The following GALNT13 variants were observed in gnomAD, a reference collection of about 807,000 sequenced individuals.
GALNT13 encodes the protein polypeptide N-acetylgalactosaminyltransferase 13.
A neutral mutation model predicts 64.2 loss-of-function variants in GALNT13; 28 were observed. The ratio of observed to expected loss-of-function variants is 0.44; its 90% CI spans 0.32 to 0.60. The LOEUF is 0.60. Among genes scored for constraint, GALNT13 ranks in the 20% least tolerant of loss-of-function variants. The pLI is 0.05. For synonymous variants in GALNT13, 214 were observed against 224.6 expected (o/e 0.95, Z 0.42); for missense variants, 577 against 669.8 (o/e 0.86, Z 1.53).
chr2:154,091,499 A>G (rs139937565), intron 3 of GALNT13, among the ~76,000 whole-genome samples: 2,400 of 152,018 alleles, frequency 0.016, 57 homozygotes, highest in African/African-American at 0.055. Flanking sequence ...ATTACAAAAT[A>G]TACTAAATTA....
At chr2:153,279,795 A>T in the GALNT13 span, among the ~76,000 whole-genome samples, 4 of 151,954 alleles carry the variant, frequency 2.6e-5, no homozygotes, top group East Asian at 3.9e-4. Flanking sequence ...GTCTATGTTC[A>T]TCCAGAATAT....
At chr2:153,479,681 A>G in the GALNT13 span, among the ~76,000 whole-genome samples, 1 of 152,190 alleles carries the variant, frequency 6.6e-6, no homozygotes, top group Non-Finnish European at 1.5e-5. Context: ...ATCAACATCC[A>G]TCACCTAGAA....
At chr2:153,178,408 G>C in the GALNT13 span, among the ~76,000 whole-genome samples, 1 of 152,218 alleles carries the variant, frequency 6.6e-6, no homozygotes, top group East Asian at 1.9e-4. Flanking sequence ...ATTCTGCCAG[G>C]TGTGAGGTGA....
chr2:153,463,053 G>T, the GALNT13 span, among the ~76,000 whole-genome samples: 1 of 151,976 alleles, frequency 6.6e-6, no homozygotes, highest in Non-Finnish European at 1.5e-5. Context: ...GTAATTTATA[G>T]CCTCACCCTC....
At chr2:153,461,493 G>A in the GALNT13 span, among the ~76,000 whole-genome samples, 5 of 152,054 alleles carry the variant, frequency 3.3e-5, no homozygotes, top group African/African-American at 9.7e-5. Flanking sequence ...AGATGAGTTT[G>A]AATATTTAAA....
At position 154,023,825 on chromosome 2, in the gene GALNT13, G is replaced by A. The variant is rs549016988; in HGVS notation, c.142+79186G>A. The stretch of plus-strand genomic sequence containing the variant: ...TACAATTTGGCATGTTTTTGCAGTG[G>A]CTGGTACCAGTTGTTCCTTTCCATG... On this transcript the variant is annotated intron_variant, in intron 3 of 12. Coordinates refer to ENST00000392825, the MANE Select transcript of GALNT13 (RefSeq NM_052917.4). Among the ~76,000 whole-genome samples the A allele has an allele frequency of 2.9e-3, 435 of 152,334 alleles. 5 individuals are homozygous for A. The highest frequency in any genetic ancestry group is 9.7e-3 in the African/African-American group (402 of 41,572).
chr2:154,358,397 ATC>A (rs1409304835), intron 9 of GALNT13, among the ~76,000 whole-genome samples: 4 of 152,106 alleles, frequency 2.6e-5, no homozygotes, highest in Admixed American at 6.6e-5. Flanking sequence ...CTGGCTAAAC[ATC>A]AACGAACAGA....
chr2:154,336,916 T>G (rs1695474783), intron 9 of GALNT13, among the ~76,000 whole-genome samples: 1 of 152,110 alleles, frequency 6.6e-6, no homozygotes, highest in African/African-American at 2.4e-5. Flanking sequence ...AATATTAGAC[T>G]TTTTTCTGGT....
At chr2:154,049,946 A>G (rs1699492848) in intron 3 of GALNT13, among the ~76,000 whole-genome samples, 1 of 152,136 alleles carries the variant, frequency 6.6e-6, no homozygotes, top group Non-Finnish European at 1.5e-5. Flanking sequence ...TTCCAAAATC[A>G]CAATATAGCT....
At chr2:154,417,122 A>C (rs1700043226) in intron 11 of GALNT13, among the ~76,000 whole-genome samples, 1 of 151,988 alleles carries the variant, frequency 6.6e-6, no homozygotes, top group Non-Finnish European at 1.5e-5. Flanking sequence ...CAGCTTTCTA[A>C]ATTTGAGCCT....
At chr2:153,614,167 T>C in the GALNT13 span, among the ~76,000 whole-genome samples, 1 of 151,954 alleles carries the variant, frequency 6.6e-6, no homozygotes, top group African/African-American at 2.4e-5. Flanking sequence ...ACCCAATGTC[T>C]AGGAATACTC....
chr2:153,446,412 G>A, the GALNT13 span, among the ~76,000 whole-genome samples: 1 of 152,096 alleles, frequency 6.6e-6, no homozygotes, highest in Non-Finnish European at 1.5e-5. Context: ...AGTAGAACTA[G>A]CCATCTTTAT....
the GALNT13 span, among the ~76,000 whole-genome samples, chr2:153,701,952 C>T: frequency 3.9e-5 from 6 of 152,096 alleles, no homozygotes; most frequent in Non-Finnish European, 8.8e-5. Flanking sequence ...ACAAGAAATA[C>T]CATTTGACCC....
the GALNT13 span, among the ~76,000 whole-genome samples, chr2:153,501,785 G>C: frequency 6.6e-6 from 1 of 152,308 alleles, no homozygotes; most frequent in Admixed American, 6.5e-5. Flanking sequence ...GATCCACAAA[G>C]AGAAAAGACA....
the GALNT13 span, among the ~76,000 whole-genome samples, chr2:153,662,206 G>A: frequency 6.6e-6 from 1 of 152,110 alleles, no homozygotes; most frequent in Non-Finnish European, 1.5e-5. Flanking sequence ...TGATGCAAGG[G>A]TACAAAGGTC....
chr2:154,036,491 T>C (rs1338917279), intron 3 of GALNT13, among the ~76,000 whole-genome samples: 1 of 152,110 alleles, frequency 6.6e-6, no homozygotes, highest in East Asian at 1.9e-4. Context: ...CCTTAAATTA[T>C]CATTGAGTCC....
chr2:153,260,822 T>G, the GALNT13 span, among the ~76,000 whole-genome samples: 28 of 152,178 alleles, frequency 1.8e-4, no homozygotes, highest in African/African-American at 6.3e-4. Context: ...TCAAGACCAG[T>G]AGCTCTTGGA....
chr2:153,995,320 T>A (rs141623721), intron 3 of GALNT13, among the ~76,000 whole-genome samples: 9 of 151,980 alleles, frequency 5.9e-5, no homozygotes, highest in African/African-American at 2.2e-4. Flanking sequence ...AATTAAAACA[T>A]TTATTTTATG....
At chr2:153,841,230 T>A in the GALNT13 span, among the ~76,000 whole-genome samples, 1 of 152,180 alleles carries the variant, frequency 6.6e-6, no homozygotes, top group Non-Finnish European at 1.5e-5. Flanking sequence ...CTTCATGTTA[T>A]TCCTCTATAG....
Sources: allele counts gnomAD v4.1 joint callset (sites outside exome capture counted in the v4.1 genomes callset), GRCh38; gene constraint gnomAD v4.1.1; transcripts MANE v1.5; gene names NCBI Gene and HGNC (gene_info 2026-07-23, HGNC 2026-07-21).